UVRAG: variants seen among roughly 807,000 people sequenced by gnomAD.
UVRAG encodes UV radiation resistance associated.
Under a neutral mutation model 78.0 loss-of-function variants are expected in UVRAG, and 19 were observed. The observed-to-expected ratio is 0.24, with a 90% CI of 0.17 to 0.36. UVRAG has a LOEUF of 0.36. UVRAG is among the 10% of genes least tolerant of loss of function. UVRAG has a pLI of 1.00. For synonymous variants in UVRAG, 323 were observed against 324.6 expected (o/e 1.00, Z 0.05); for missense variants, 740 against 853.8 (o/e 0.87, Z 1.66).
chr11:76,034,557 T>A (rs1472551086), intron 12 of UVRAG, among the ~76,000 whole-genome samples: 1 of 152,176 alleles, frequency 6.6e-6, no homozygotes, highest in African/African-American at 2.4e-5. Flanking sequence ...GGATATATGT[T>A]TCTCTGTACC....
intron 5 of UVRAG, among the ~76,000 whole-genome samples, chr11:75,904,190 A>T (rs2134998928): frequency 6.6e-6 from 1 of 152,312 alleles, no homozygotes; most frequent in Non-Finnish European, 1.5e-5. Flanking sequence ...CTAGAAATAC[A>T]CCTGACTTGC....
chr11:75,985,507 G>A (rs1047165372), intron 8 of UVRAG, among the ~76,000 whole-genome samples: 10 of 151,866 alleles, frequency 6.6e-5, no homozygotes, highest in Admixed American at 2.0e-4. Flanking sequence ...TGGCTTGCTC[G>A]TTCACTCTTT....
intron 12 of UVRAG, among the ~76,000 whole-genome samples, chr11:76,044,492 C>T (rs779824672): frequency 1.8e-4 from 28 of 152,210 alleles, no homozygotes; most frequent in Admixed American, 5.2e-4. Context: ...AAAAAGCAGG[C>T]CAGGCGCCGC....
chr11:75,903,190 A>T (rs994886241), intron 5 of UVRAG, among the ~76,000 whole-genome samples: 20 of 151,440 alleles, frequency 1.3e-4, no homozygotes, highest in African/African-American at 4.6e-4. Context: ...ATATGTATGG[A>T]TTTTTATAGT....
chr11:75,844,119 A>G (rs1365395750), intron 1 of UVRAG, among the ~76,000 whole-genome samples: 1 of 152,224 alleles, frequency 6.6e-6, no homozygotes, highest in South Asian at 2.1e-4. Flanking sequence ...AGTTAACTCT[A>G]CTGAACTGTG....
At chr11:75,973,110 T>C (rs182293707) in intron 7 of UVRAG, among the ~76,000 whole-genome samples, 16 of 152,362 alleles carry the variant, frequency 1.1e-4, no homozygotes, top group African/African-American at 3.1e-4. Flanking sequence ...ATCCTTGTCA[T>C]GTTCTCAAAC....
intron 13 of UVRAG, among the ~76,000 whole-genome samples, chr11:76,068,181 C>T (rs187102943): frequency 6.6e-6 from 1 of 152,306 alleles, no homozygotes; most frequent in East Asian, 1.9e-4. Context: ...GCTAAGAATA[C>T]CACAGCTTGC....
At chr11:75,859,328 A>G (rs1396107705) in intron 2 of UVRAG, among the ~76,000 whole-genome samples, 2 of 151,956 alleles carry the variant, frequency 1.3e-5, no homozygotes, top group African/African-American at 2.4e-5. Context: ...GTGAGCCGAG[A>G]TCACGCCACT....
At chr11:75,818,413 CT>C (rs1214112822) in intron 1 of UVRAG, among the ~76,000 whole-genome samples, 14 of 151,092 alleles carry the variant, frequency 9.3e-5, no homozygotes, top group Admixed American at 9.2e-4. Flanking sequence ...CAGTTGTTAA[CT>C]TTCCTTTAAA....
intron 12 of UVRAG, among the ~76,000 whole-genome samples, chr11:76,027,597 A>G (rs537466126): frequency 4.6e-5 from 7 of 152,168 alleles, no homozygotes; most frequent in African/African-American, 1.7e-4. Context: ...CATAGTACCT[A>G]TGTCACTATG....
At chr11:75,930,996 A>G (rs1425538984) in intron 6 of UVRAG, 1 of 63,030 alleles carries the variant, frequency 1.6e-5, no homozygotes, top group Non-Finnish European at 3.7e-5. Flanking sequence ...TCCATTTTTA[A>G]TTTCTTTTAA....
chr11:75,984,699 C>T (rs962828315), intron 8 of UVRAG, among the ~76,000 whole-genome samples: 4 of 152,148 alleles, frequency 2.6e-5, no homozygotes, highest in East Asian at 3.8e-4. Flanking sequence ...AGACTCAAAC[C>T]GGATTGGTTT....
At chr11:75,959,913 A>G (rs2135197254) in intron 6 of UVRAG, among the ~76,000 whole-genome samples, 1 of 152,342 alleles carries the variant, frequency 6.6e-6, no homozygotes, top group Non-Finnish European at 1.5e-5. Flanking sequence ...AAGGAGAGGA[A>G]GAGAGACTGG....
chr11:75,927,071 T>A (rs1426197396), intron 6 of UVRAG, among the ~76,000 whole-genome samples: 1 of 114,222 alleles, frequency 8.8e-6, no homozygotes, highest in Admixed American at 7.9e-5. Flanking sequence ...GGCAAAGGCA[T>A]TTTTTTTTTT....
At chr11:75,848,677 G>A (rs1399677541) in intron 1 of UVRAG, among the ~76,000 whole-genome samples, 1 of 152,198 alleles carries the variant, frequency 6.6e-6, no homozygotes, top group East Asian at 1.9e-4. Context: ...ATTCTTTTGA[G>A]TTGAAGAATT....
chr11:75,834,789 G>A lies in UVRAG; in HGVS notation c.118-17094G>A, dbSNP rs140014634. 4.6e-3 allele frequency among the ~76,000 whole-genome samples: 701 copies of A among 152,110 alleles called. 3 individuals carry two copies. The highest frequency in any genetic ancestry group is 0.015 in the African/African-American group (641 of 41,480). ...GGATTGTGCCACTGCATTCCAGCTT[G>A]GGCAACAGAGTGAGACTCTGTCTCA... On this transcript the variant is annotated intron_variant, in intron 1 of 14. Coordinates refer to ENST00000356136, the MANE Select transcript of UVRAG (RefSeq NM_003369.4).
At chr11:76,055,665 A>T (rs558754491) in intron 12 of UVRAG, among the ~76,000 whole-genome samples, 16 of 152,200 alleles carry the variant, frequency 1.1e-4, no homozygotes, top group African/African-American at 1.4e-4. Context: ...GTATTTGTTT[A>T]TGGTTCTTTT....
At chr11:75,933,649 C>T (rs1294434333) in intron 6 of UVRAG, among the ~76,000 whole-genome samples, 1 of 152,124 alleles carries the variant, frequency 6.6e-6, no homozygotes, top group Non-Finnish European at 1.5e-5. Context: ...TCAAACAACT[C>T]TGGGAATAAA....
At chr11:75,943,222 T>C (rs927693298) in intron 6 of UVRAG, among the ~76,000 whole-genome samples, 1 of 152,080 alleles carries the variant, frequency 6.6e-6, no homozygotes, top group Admixed American at 6.6e-5. Flanking sequence ...TCTTTGTAGT[T>C]ATCGATCTAT....
Sources: gnomAD v4.1 joint callset for allele counts (sites outside exome capture counted in the v4.1 genomes callset) on GRCh38, gnomAD v4.1.1 for gene constraint, MANE v1.5 for transcripts, NCBI Gene and HGNC (gene_info 2026-07-23, HGNC 2026-07-21) for gene names.